Variants in YIPF5 observed in about 807,000 individuals in gnomAD.
YIPF5 encodes the protein Yip1 domain family member 5.
A neutral mutation model predicts 30.4 loss-of-function variants in YIPF5; 8 were observed. The observed-to-expected ratio is 0.26, with a 90% CI of 0.15 to 0.47. YIPF5 has a LOEUF of 0.47. YIPF5 is among the 20% of genes least tolerant of loss of function. The pLI is 0.99. For missense variants in YIPF5, 282 were observed against 301.8 expected (o/e 0.93, Z 0.49); for synonymous variants, 104 against 107.9 (o/e 0.96, Z 0.23).
chr5:144,165,486 A>G lies in YIPF5; in HGVS notation c.229T>C (p.Ser77Pro). Reference protein sequence around the residue: ...YQPTQAYTPASPQPFYGNNFE... With the variant: ...YQPTQAYTPAPPQPFYGNNFE... ...TTGTTTCCATAGAAAGGCTGAGGTG[A>G]AGCTGGAGTATATGCCTGAGTTGGC... Residue 77 changes from serine to proline, a missense_variant, in exon 3 of 6, where the codon TCA (serine) becomes CCA (proline). Physicochemically the swap from Ser to Pro is moderately conservative, Grantham distance 74 (BLOSUM62 -1). Coordinates refer to ENST00000274496, the MANE Select transcript of YIPF5 (RefSeq NM_030799.9). 6.2e-7 allele frequency: 1 copy of G among 1,614,194 alleles called. No individual in the cohort carries two copies. The highest frequency in any genetic ancestry group is 8.5e-7 in the Non-Finnish European group (1 of 1,180,016).
Position 144,158,225 on chromosome 5 carries a change from A to T in YIPF5, c.*2172T>A, listed in dbSNP as rs1323491663. Reference sequence around the variant, plus strand: ...AAATATGCCTACATAACAGAGTTTGATAAGAGAAGTTTTGGCTATATACAA... The same window carrying T: ...AAATATGCCTACATAACAGAGTTTGTTAAGAGAAGTTTTGGCTATATACAA... On this transcript the variant is annotated 3_prime_UTR_variant, in exon 6 of 6. Coordinates refer to ENST00000274496, the MANE Select transcript of YIPF5 (RefSeq NM_030799.9). 1 of 320,052 alleles carries T rather than the reference A, an allele frequency of 3.1e-6. No homozygotes were observed. Among genetic ancestry groups the T allele is most frequent in the Admixed American group, 5.5e-5 (1 of 18,342 alleles). The allele number at this position is 320,052 out of a possible 1,614,324, so 19.8% of individuals were successfully genotyped here.
intron 2 of YIPF5, 29 bp downstream of exon 2, chr5:144,169,817 T>C (rs769519884): frequency 6.3e-7 from 1 of 1,577,036 alleles, no homozygotes; most frequent in Admixed American, 1.7e-5. Context: ...CAATGTAGAC[T>C]AAATTAATTG....
chr5:144,163,862 A>AT (rs546966645), intron 4 of YIPF5: 6,962 of 297,936 alleles, frequency 0.023, 34 homozygotes, highest in Non-Finnish European at 0.03. Flanking sequence ...GTTGTTTACT[A>AT]TTTTTTTTTT....
At chr5:144,163,297 G>A (rs1209502666) in intron 4 of YIPF5, among the ~76,000 whole-genome samples, 1 of 152,164 alleles carries the variant, frequency 6.6e-6, no homozygotes, top group Non-Finnish European at 1.5e-5. Flanking sequence ...GATTAAAAAT[G>A]CAGAAGTTTG....
At chr5:144,167,148 G>A (rs531304470) in intron 2 of YIPF5, among the ~76,000 whole-genome samples, 1 of 152,226 alleles carries the variant, frequency 6.6e-6, no homozygotes, top group Non-Finnish European at 1.5e-5. Context: ...TTCATGTAAG[G>A]AAGAAAAGTA....
chr5:144,167,287 C>T (rs1752228512), intron 2 of YIPF5, among the ~76,000 whole-genome samples: 1 of 152,116 alleles, frequency 6.6e-6, no homozygotes, highest in African/African-American at 2.4e-5. Context: ...AAATTTCTGA[C>T]TTGTTCCTGC....
chr5:144,167,508 A>G (rs536353182), intron 2 of YIPF5, among the ~76,000 whole-genome samples: 1 of 152,338 alleles, frequency 6.6e-6, no homozygotes, highest in South Asian at 2.1e-4. Context: ...GAAGAAAAAA[A>G]ATAACAGCTT....
chr5:144,164,108 T>C lies in YIPF5; in HGVS notation c.429+3A>G, dbSNP rs904414893. The C allele has an allele frequency of 6.2e-7, 1 of 1,610,148 alleles. No homozygotes were observed. Among genetic ancestry groups the C allele is most frequent in the Non-Finnish European group, 8.5e-7 (1 of 1,178,920 alleles). Reference sequence around the variant, plus strand: ...ACCCTGAAGGTTGAAATGAAAATCTTACCAGTAGCAATGTGGCTCCAAAAG... The same window carrying C: ...ACCCTGAAGGTTGAAATGAAAATCTCACCAGTAGCAATGTGGCTCCAAAAG... On this transcript the variant is annotated splice_donor_region_variant and intron_variant, in intron 4 of 5. Coordinates refer to ENST00000274496, the MANE Select transcript of YIPF5 (RefSeq NM_030799.9).
intron 4 of YIPF5, among the ~76,000 whole-genome samples, chr5:144,163,381 T>A (rs1258541352): frequency 1.3e-5 from 2 of 152,204 alleles, no homozygotes; most frequent in Non-Finnish European, 2.9e-5. Context: ...ACAGTGTTTT[T>A]AACTTTTCAA....
chr5:144,163,010 G>C (rs1441538027), intron 4 of YIPF5, among the ~76,000 whole-genome samples: 1 of 152,012 alleles, frequency 6.6e-6, no homozygotes, highest in Non-Finnish European at 1.5e-5. Flanking sequence ...CCAAATTATT[G>C]GCTGATTTAT....
At chr5:144,168,955 A>G (rs547409181) in intron 2 of YIPF5, among the ~76,000 whole-genome samples, 5 of 152,354 alleles carry the variant, frequency 3.3e-5, no homozygotes, top group South Asian at 2.1e-4. Context: ...AACATCATTT[A>G]ACACATGAAT....
Position 144,170,645 on chromosome 5 carries a change from C to G in YIPF5, c.-121G>C, listed in dbSNP as rs1168869893. 6.6e-6 allele frequency: 1 copy of G among 152,514 alleles called. No homozygotes were observed. The highest frequency in any genetic ancestry group is 1.5e-5 in the Non-Finnish European group (1 of 68,272). 9.4% of individuals were successfully genotyped at this position (152,514 alleles called of 1,614,324 possible). A position where few individuals can be genotyped will look rare whatever the true frequency, so the allele number is the denominator to read the frequency against. On this transcript the variant is annotated 5_prime_UTR_variant, in exon 1 of 6. Coordinates refer to ENST00000274496, the MANE Select transcript of YIPF5 (RefSeq NM_030799.9). ...GCCCCGTTGCTACGTGTCACAGGGCCAAAGAACGGCTTCCGGGGCACGCCC... is the reference window on the plus strand; with the variant it reads ...GCCCCGTTGCTACGTGTCACAGGGCGAAAGAACGGCTTCCGGGGCACGCCC...
chr5:144,169,754 G>T, intron 2 of YIPF5, 92 bp downstream of exon 2: 1 of 1,023,008 alleles, frequency 9.8e-7, no homozygotes, highest in Non-Finnish European at 1.5e-6. Flanking sequence ...TAAAGGACAT[G>T]TTCACATATT....
Position 144,165,586 on chromosome 5 carries a change from G to C in YIPF5, c.129C>G (p.Asp43Glu), listed in dbSNP as rs200414163. Residue 43 changes from aspartate (D) to glutamate (E), a missense_variant, in exon 3 of 6, where the codon GAC becomes GAG. Asp to Glu is a conservative substitution (Grantham distance 45). Coordinates refer to ENST00000274496, the MANE Select transcript of YIPF5 (RefSeq NM_030799.9). The part of the protein sequence containing the change: ...GPYSKQYAGY[D>E]YSQQGRFVPP... ...GGACAAATCTGCCTTGCTGCGAATAGTCATAGCCAGCATACTGTCTATAAA... is the reference window on the plus strand; with the variant it reads ...GGACAAATCTGCCTTGCTGCGAATACTCATAGCCAGCATACTGTCTATAAA... 451 of 1,614,106 alleles carry C rather than the reference G, an allele frequency of 2.8e-4. 2 individuals are homozygous for C. Among genetic ancestry groups the C allele is most frequent in the Middle Eastern group, 3.3e-4 (2 of 6,062 alleles).
chr5:144,160,647 C>A, intron 5 of YIPF5, 88 bp from the exon 6 acceptor site: 1 of 1,103,894 alleles, frequency 9.1e-7, no homozygotes, highest in South Asian at 2.6e-5. Context: ...TATTCTAAAG[C>A]ATTTTAAATT....
Position 144,164,036 on chromosome 5 carries a change from TG to T in YIPF5, c.429+74del, listed in dbSNP as rs1235024265. The T allele has an allele frequency of 1.9e-6, 3 of 1,567,494 alleles. No homozygotes were observed. The African/African-American group carries it at 4.1e-5, about 21-fold the overall frequency. ...TGAGGTGTAAAGCGGAGTTTCAAAA[TG>T]GCTTTTGGTAGAACATTTAAAATTT... On this transcript the variant is annotated intron_variant, in intron 4 of 5. Coordinates refer to ENST00000274496, the MANE Select transcript of YIPF5 (RefSeq NM_030799.9).
At position 144,160,425 on chromosome 5, in the gene YIPF5, C is replaced by T; in HGVS notation, c.746G>A (p.Gly249Glu). 6.2e-7 allele frequency: 1 copy of T among 1,614,016 alleles called. No homozygotes were observed. Among genetic ancestry groups the T allele is most frequent in the Non-Finnish European group, 8.5e-7 (1 of 1,179,976 alleles). The change falls in exon 6 of 6, where the codon GGA becomes GAA. Residue 249 changes from glycine to glutamate, a missense_variant. Coordinates refer to ENST00000274496, the MANE Select transcript of YIPF5 (RefSeq NM_030799.9). ...AAAGACGGAAATCAGGGCAAAGACTCCATATAACAAAGCGCAAGGATATGC... is the reference window on the plus strand; with the variant it reads ...AAAGACGGAAATCAGGGCAAAGACTTCATATAACAAAGCGCAAGGATATGC... ...LVAYPCALLYGVFALISVF is the reference protein window; with the variant it reads ...LVAYPCALLYEVFALISVF
rs1402155938 is a variant in YIPF5, at chr5:144,164,178, A to C, written c.362T>G (p.Ile121Ser). ...ACCTGCCAAATCAGTTTCATTCATG[A>C]TGCTGCCATCTGCTACTTTTAACGG... ...LHPLKVADGS[I>S]MNETDLAGPM... The change falls in exon 4 of 6, where the codon ATC becomes AGC. Residue 121 changes from isoleucine to serine, a missense_variant. Transcript: ENST00000274496. The C allele has an allele frequency of 3.1e-6, 5 of 1,613,840 alleles. No homozygotes were observed. The highest frequency in any genetic ancestry group is 3.4e-6 in the Non-Finnish European group (4 of 1,179,860).
rs1203807071 is a variant in YIPF5 at position 144,158,851 on chromosome 5, T to C, written c.*1546A>G. 6.1e-6 allele frequency: 6 copies of C among 984,898 alleles called. No individual in the cohort carries two copies. Among genetic ancestry groups the C allele is most frequent in the East Asian group, 1.1e-4 (1 of 8,860 alleles). The allele number at this position is 984,898 out of a possible 1,614,324, so 61.0% of individuals were successfully genotyped here. On this transcript the variant is annotated 3_prime_UTR_variant, in exon 6 of 6. Transcript: ENST00000274496. ...CAACCTCTTTTTATGCTTTGAAAACTTGTTCTAAAAAAGAACCATTGATAC... is the reference window on the plus strand; with the variant it reads ...CAACCTCTTTTTATGCTTTGAAAACCTGTTCTAAAAAAGAACCATTGATAC...
Sources: gnomAD v4.1 joint callset for allele counts (sites outside exome capture counted in the v4.1 genomes callset) on GRCh38, gnomAD v4.1.1 for gene constraint, MANE v1.5 for transcripts, NCBI Gene and HGNC (gene_info 2026-07-23, HGNC 2026-07-21) for gene names.